TLL2: variants seen among roughly 807,000 people sequenced by gnomAD.
The protein encoded by TLL2 is tolloid-like protein 2.
In TLL2, 106 loss-of-function variants were observed where a neutral mutation model predicts 123.0. The ratio of observed to expected loss-of-function variants is 0.86; its 90% CI spans 0.74 to 1.01. The LOEUF (loss-of-function observed/expected upper bound fraction) is 1.01. TLL2 is among the 50% of genes least tolerant of loss of function. TLL2 has a pLI of 0.00. For synonymous variants in TLL2, 494 were observed against 516.8 expected, an observed-to-expected ratio of 0.96 and a Z score of 0.60; for missense variants, 1,332 against 1,336.7, an observed-to-expected ratio of 1.00 and a Z score of 0.06.
At chr10:96,405,185 G>A (rs968876747) in intron 10 of TLL2, 47 bp downstream of exon 10, 1 of 1,558,910 alleles carries the variant, frequency 6.4e-7, no homozygotes. Context: ...AGCATCCCGG[G>A]GAACATCCCA....
At chr10:96,506,254 A>AAAAG (rs1847577231) in intron 1 of TLL2, among the ~76,000 whole-genome samples, 1 of 115,016 alleles carries the variant, frequency 8.7e-6, no homozygotes, top group South Asian at 2.6e-4. Context: ...CCCATCTCAA[A>AAAAG]AAAAAAAAAA....
At chr10:96,431,159 G>A (rs1846735088) in intron 4 of TLL2, among the ~76,000 whole-genome samples, 1 of 152,128 alleles carries the variant, frequency 6.6e-6, no homozygotes, top group African/African-American at 2.4e-5. Flanking sequence ...AGGATACCAA[G>A]GAACAAAAGT....
At chr10:96,441,946 A>G (rs1306917418) in intron 3 of TLL2, among the ~76,000 whole-genome samples, 2 of 152,210 alleles carry the variant, frequency 1.3e-5, no homozygotes, top group African/African-American at 2.4e-5. Context: ...TTTCACACAA[A>G]GCCCCTAGGA....
chr10:96,450,278 C>G (rs1846944621), intron 2 of TLL2, among the ~76,000 whole-genome samples: 1 of 152,046 alleles, frequency 6.6e-6, no homozygotes, highest in African/African-American at 2.4e-5. Flanking sequence ...AAAAATTGTC[C>G]TTATCAGCTT....
chr10:96,414,365 T>G (rs1846534212), intron 7 of TLL2, among the ~76,000 whole-genome samples: 1 of 152,122 alleles, frequency 6.6e-6, no homozygotes, highest in Non-Finnish European at 1.5e-5. Flanking sequence ...TCTGACCCCA[T>G]CAGCAACGGT....
chr10:96,479,204 C>T (rs1178322276), intron 2 of TLL2, among the ~76,000 whole-genome samples: 1 of 152,228 alleles, frequency 6.6e-6, no homozygotes, highest in Non-Finnish European at 1.5e-5. Context: ...AAATGACACT[C>T]ATGAAACAAG....
intron 5 of TLL2, among the ~76,000 whole-genome samples, chr10:96,426,341 C>G (rs1315910865): frequency 5.9e-5 from 9 of 152,196 alleles, no homozygotes; most frequent in South Asian, 2.1e-4. Context: ...TCTTTCTTAT[C>G]TTTTTTATCA....
chr10:96,378,385 A>G (rs1199332399), intron 17 of TLL2, among the ~76,000 whole-genome samples: 2 of 143,842 alleles, frequency 1.4e-5, no homozygotes, highest in East Asian at 4.2e-4. Flanking sequence ...GGACAGTAAA[A>G]GCCACCTGGC....
intron 1 of TLL2, among the ~76,000 whole-genome samples, chr10:96,502,499 A>G (rs1450635198): frequency 6.6e-6 from 1 of 152,132 alleles, no homozygotes; most frequent in Non-Finnish European, 1.5e-5. Context: ...TGGAAACAGA[A>G]TTGACAGCAC....
chr10:96,421,764 G>C (rs1589418584), intron 6 of TLL2, among the ~76,000 whole-genome samples: 1 of 152,084 alleles, frequency 6.6e-6, no homozygotes, highest in African/African-American at 2.4e-5. Context: ...TTGAACCCAG[G>C]AGGCGGAGGT....
intron 13 of TLL2, among the ~76,000 whole-genome samples, chr10:96,391,837 T>C (rs11188743): frequency 0.33 from 50,972 of 152,160 alleles, 9,227 homozygotes; most frequent in Non-Finnish European, 0.41. Flanking sequence ...GTTTTAACCA[T>C]AAAAAAGTCA....
At chr10:96,423,319 C>T (rs1218948641) in intron 5 of TLL2, among the ~76,000 whole-genome samples, 3 of 152,040 alleles carry the variant, frequency 2.0e-5, no homozygotes, top group African/African-American at 4.8e-5. Flanking sequence ...CCATACCATA[C>T]TCTACCCCTC....
intron 18 of TLL2, among the ~76,000 whole-genome samples, chr10:96,376,025 A>G (rs1223282720): frequency 2.0e-5 from 3 of 152,236 alleles, no homozygotes; most frequent in Non-Finnish European, 4.4e-5. Flanking sequence ...TGTGCAAACC[A>G]CACATCATAT....
intron 5 of TLL2, among the ~76,000 whole-genome samples, chr10:96,427,783 T>C (rs1846692653): frequency 6.6e-6 from 1 of 152,060 alleles, no homozygotes; most frequent in African/African-American, 2.4e-5. Context: ...GTTTTTTTTG[T>C]TGTTGTTGTT....
intron 2 of TLL2, among the ~76,000 whole-genome samples, chr10:96,470,444 T>C: frequency 6.6e-6 from 1 of 152,234 alleles, no homozygotes; most frequent in Non-Finnish European, 1.5e-5. Context: ...AAGGCCAGAC[T>C]GTCACTGCTG....
chr10:96,440,932 C>T (rs1454300286), intron 3 of TLL2, among the ~76,000 whole-genome samples: 1 of 152,066 alleles, frequency 6.6e-6, no homozygotes, highest in Non-Finnish European at 1.5e-5. Context: ...TATCTGGAAT[C>T]GGAGTCCAAA....
chr10:96,484,121 G>A (rs1847336489), intron 1 of TLL2, among the ~76,000 whole-genome samples: 1 of 152,184 alleles, frequency 6.6e-6, no homozygotes, highest in Admixed American at 6.5e-5. Flanking sequence ...TGGGATTATA[G>A]GCATGAGCCA....
chr10:96,512,813 G>A (rs1564922886), intron 1 of TLL2, among the ~76,000 whole-genome samples: 1 of 152,242 alleles, frequency 6.6e-6, no homozygotes, highest in Non-Finnish European at 1.5e-5. Flanking sequence ...TGGCCCCGAG[G>A]AAGCGGGAGC....
chr10:96,497,765 T>G (rs1285059697), intron 1 of TLL2, among the ~76,000 whole-genome samples: 3 of 152,364 alleles, frequency 2.0e-5, no homozygotes, highest in African/African-American at 7.2e-5. Context: ...TCTCTTCATC[T>G]GAAACATCTG....
Sources: allele counts gnomAD v4.1 joint callset (sites outside exome capture counted in the v4.1 genomes callset), GRCh38; gene constraint gnomAD v4.1.1; transcripts MANE v1.5; gene names NCBI Gene and HGNC (gene_info 2026-07-23, HGNC 2026-07-21).